Variants in ALMS1 observed in about 807,000 individuals in gnomAD.
ALMS1 encodes ALMS1 centrosome and basal body associated protein.
Under a neutral mutation model 352.2 loss-of-function variants are expected in ALMS1, and 271 were observed. The observed-to-expected ratio is 0.77, with a 90% CI of 0.70 to 0.85. The LOEUF is 0.85. Ranked by LOEUF, ALMS1 falls within the 40% of genes least tolerant of loss-of-function variation. ALMS1 has a pLI of 0.00. For synonymous variants in ALMS1, 1,865 were observed against 1,761.2 expected, an observed-to-expected ratio of 1.06 and a Z score of -1.48; for missense variants, 5,445 against 4,870.7, an observed-to-expected ratio of 1.12 and a Z score of -3.51.
intron 13 of ALMS1, among the ~76,000 whole-genome samples, chr2:73,556,481 T>C (rs868198591): frequency 3.9e-4 from 59 of 152,276 alleles, no homozygotes; most frequent in African/African-American, 1.4e-3. Context: ...ATGAGAATGC[T>C]GTATTTAAAA....
chr2:73,472,857 C>G (rs1672495756), intron 9 of ALMS1, among the ~76,000 whole-genome samples: 1 of 151,996 alleles, frequency 6.6e-6, no homozygotes, highest in Admixed American at 6.6e-5. Context: ...TTACACAGCT[C>G]AGAGCTTTCC....
intron 1 of ALMS1, 105 bp downstream of exon 1, chr2:73,386,297 C>G: frequency 7.2e-7 from 1 of 1,394,760 alleles, no homozygotes; most frequent in East Asian, 2.8e-5. Context: ...ACGGAGAAAA[C>G]GCGCGCAGCT....
chr2:73,570,243 A>C (rs1040267592), intron 15 of ALMS1, among the ~76,000 whole-genome samples: 5 of 152,224 alleles, frequency 3.3e-5, no homozygotes, highest in African/African-American at 1.2e-4. Context: ...TGTGACATCC[A>C]AGTGGATATA....
intron 9 of ALMS1, among the ~76,000 whole-genome samples, chr2:73,478,854 G>A (rs1339172586): frequency 2.0e-5 from 3 of 151,740 alleles, no homozygotes; most frequent in Non-Finnish European, 4.4e-5. Flanking sequence ...TGACCCCACC[G>A]ACAGGCCCCG....
chr2:73,401,849 CT>C (rs1260726829), intron 1 of ALMS1, among the ~76,000 whole-genome samples: 1 of 152,172 alleles, frequency 6.6e-6, no homozygotes, highest in African/African-American at 2.4e-5. Context: ...ATTTCCTCCC[CT>C]GTTCCTCACT....
chr2:73,599,887 T>C (rs1395654889), intron 17 of ALMS1, among the ~76,000 whole-genome samples: 2 of 152,266 alleles, frequency 1.3e-5, no homozygotes, highest in Non-Finnish European at 2.9e-5. Flanking sequence ...CAAAATAGTG[T>C]ACAAAATTAA....
chr2:73,545,178 G>A (rs1162209024), intron 12 of ALMS1, among the ~76,000 whole-genome samples: 1 of 149,182 alleles, frequency 6.7e-6, no homozygotes, highest in African/African-American at 2.5e-5. Flanking sequence ...TTAATTTTTT[G>A]TGGTTTTTTT....
At chr2:73,474,411 C>CTGTGTGTGTG (rs10526164) in intron 9 of ALMS1, among the ~76,000 whole-genome samples, 2 of 148,420 alleles carry the variant, frequency 1.3e-5, no homozygotes, top group Admixed American at 6.7e-5. Context: ...GTGTGTGTGT[C>CTGTGTGTGTG]TATTGGTTTA....
At chr2:73,567,436 G>A (rs1296121908) in intron 15 of ALMS1, among the ~76,000 whole-genome samples, 1 of 152,166 alleles carries the variant, frequency 6.6e-6, no homozygotes, top group Admixed American at 6.5e-5. Flanking sequence ...AAGAGTTTTA[G>A]TAGTTCTGGC....
chr2:73,472,024 A>G (rs1033097969), intron 9 of ALMS1, among the ~76,000 whole-genome samples: 1 of 152,058 alleles, frequency 6.6e-6, no homozygotes, highest in African/African-American at 2.4e-5. Flanking sequence ...ACCTTAAGGA[A>G]GTCCTGCTGT....
intron 7 of ALMS1, among the ~76,000 whole-genome samples, chr2:73,433,624 G>T (rs1671553130): frequency 6.6e-6 from 1 of 152,126 alleles, no homozygotes; most frequent in African/African-American, 2.4e-5. Flanking sequence ...GTCAGGTACA[G>T]TGTCTTATGC....
intron 9 of ALMS1, among the ~76,000 whole-genome samples, chr2:73,485,546 C>G (rs553393112): frequency 1.3e-5 from 2 of 152,370 alleles, no homozygotes; most frequent in South Asian, 4.1e-4. Flanking sequence ...TGCCCTTCCT[C>G]CAGAGATGTA....
Position 73,447,812 on chromosome 2 carries a change from G to C in ALMS1, c.1433-148G>C. 4 of 1,086,460 alleles carry C rather than the reference G, an allele frequency of 3.7e-6. No homozygotes were observed. In the South Asian group the frequency reaches 9.2e-5, roughly 25 times the overall value. 67.3% of individuals were successfully genotyped at this position (1,086,460 alleles called of 1,614,324 possible). ...CTTTAGTTTTCTAATTAATATCTTT[G>C]TGTGCAAATATTTATCTCCTTTGAT... On this transcript the variant is annotated intron_variant, in intron 7 of 22. Coordinates refer to ENST00000613296, the MANE Select transcript of ALMS1 (RefSeq NM_001378454.1).
chr2:73,449,715 T>C lies in ALMS1; in HGVS notation c.3188T>C (p.Val1063Ala). 6.2e-7 allele frequency: 1 copy of C among 1,613,888 alleles called. No individual in the cohort carries two copies. Among genetic ancestry groups the C allele is most frequent in the East Asian group, 2.2e-5 (1 of 44,862 alleles). The change falls in exon 8 of 23, where the codon GTG (valine) becomes GCG (alanine). Residue 1063 changes from valine (V) to alanine (A), a missense_variant. By Grantham distance (64) the Val-to-Ala change is moderately conservative (BLOSUM62 0). Transcript: ENST00000613296. ...REKPSVLYPQ[V>A]LSDSHLPEES... ...AAGCCTAGTGTTTTGTACCCACAGG[T>C]GTTATCAGACAGTCATCTACCTGAA...
rs1309386415 is a variant in ALMS1, at chr2:73,419,163, C to T, written c.491C>T (p.Ser164Phe). Residue 164 changes from serine to phenylalanine, a missense_variant, in exon 3 of 23, where the codon TCT (serine) becomes TTT (phenylalanine). Ser to Phe is a radical substitution (Grantham distance 155, BLOSUM62 -2). Coordinates refer to ENST00000613296, the MANE Select transcript of ALMS1 (RefSeq NM_001378454.1). ...CATTGTCTTCCTCAAGAAATGGACT[C>T]TTCCCAAACCTTGGATACATCCCAG... ...SWHCLPQEMD[S>F]SQTLDTSQTR... 6.2e-7 allele frequency: 1 copy of T among 1,614,062 alleles called. No individual in the cohort carries two copies. The highest frequency in any genetic ancestry group is 8.5e-7 in the Non-Finnish European group (1 of 1,179,960).
Position 73,550,308 on chromosome 2 carries a change from C to T in ALMS1, c.9949C>T (p.Leu3317=). The T allele has an allele frequency of 6.2e-7, 1 of 1,614,104 alleles. No individual in the cohort carries two copies. Among genetic ancestry groups the T allele is most frequent in the Middle Eastern group, 1.7e-4 (1 of 6,060 alleles). The change falls in exon 13 of 23, where the codon CTA becomes TTA. Residue 3317 remains leucine, a synonymous_variant. Transcript: ENST00000613296. The part of the protein sequence containing the change: ...AIAPDFPAQV[L]GTRDDDLSAT... ...TGCTCCAGACTTCCCAGCTCAGGTGCTAGGCACAAGAGATGATGACCTCTC... is the reference window on the plus strand; with the variant it reads ...TGCTCCAGACTTCCCAGCTCAGGTGTTAGGCACAAGAGATGATGACCTCTC...
intron 10 of ALMS1, among the ~76,000 whole-genome samples, chr2:73,504,295 T>G (rs1157606545): frequency 6.6e-6 from 1 of 152,218 alleles, no homozygotes. Context: ...TATGTGTAAT[T>G]CTGTAAAATT....
At chr2:73,392,548 C>T (rs1670672364) in intron 1 of ALMS1, among the ~76,000 whole-genome samples, 1 of 152,078 alleles carries the variant, frequency 6.6e-6, no homozygotes, top group Non-Finnish European at 1.5e-5. Context: ...TATTAATCTA[C>T]CTTCTGTCTA....
At chr2:73,408,537 G>A in intron 1 of ALMS1, 85 bp from the exon 2 acceptor site, 1 of 1,440,202 alleles carries the variant, frequency 6.9e-7, no homozygotes. Context: ...AAACTGGGAA[G>A]TATGGTCTAA....
Sources: gnomAD v4.1 joint callset for allele counts (sites outside exome capture counted in the v4.1 genomes callset) on GRCh38, gnomAD v4.1.1 for gene constraint, MANE v1.5 for transcripts, NCBI Gene and HGNC (gene_info 2026-07-23, HGNC 2026-07-21) for gene names.